SOS2: variants seen among roughly 807,000 people sequenced by gnomAD.
SOS2 encodes the protein son of sevenless homolog 2.
A neutral mutation model predicts 148.2 loss-of-function variants in SOS2; 65 were observed. That is an observed-to-expected ratio of 0.44 (90% confidence interval 0.36 to 0.54). The LOEUF is 0.54. Among genes scored for constraint, SOS2 ranks in the 20% least tolerant of loss-of-function variants. SOS2 has a pLI of 0.00. For missense variants in SOS2, 1,341 were observed against 1,590.2 expected (o/e 0.84, Z 2.67); for synonymous variants, 539 against 537.1 (o/e 1.00, Z -0.05).
chr14:50,181,632 C>T (rs1045882727), intron 6 of SOS2, among the ~76,000 whole-genome samples: 1 of 151,724 alleles, frequency 6.6e-6, no homozygotes, highest in Non-Finnish European at 1.5e-5. Context: ...GAAGTATATA[C>T]ATTAACATGG....
chr14:50,178,666 GTGTGCATATATATA>G (rs1336530098), intron 7 of SOS2, among the ~76,000 whole-genome samples: 2,716 of 70,022 alleles, frequency 0.039, 75 homozygotes, highest in East Asian at 0.13. Flanking sequence ...GTGTGTGTGT[GTGTGCATATATATA>G]TATATATATA....
In SOS2 at chr14:50,145,247, T is replaced by A. The variant is rs781119008; in HGVS notation, c.2590A>T (p.Asn864Tyr). 12 of 1,612,004 alleles carry A rather than the reference T, an allele frequency of 7.4e-6. No individual in the cohort carries two copies. The South Asian group carries it at 1.2e-4, about 16-fold the overall frequency. Reference protein sequence around the residue: ...IEILQVFQDLNNFNGVLEIVS... With the variant: ...IEILQVFQDLYNFNGVLEIVS... ...ATCTCCAATACGCCATTGAAATTAT[T>A]CAAATCTTGAAAAACTTGCAGAATT... is the stretch of plus-strand genomic sequence containing the variant. Residue 864 changes from asparagine (N) to tyrosine (Y), a missense_variant, in exon 16 of 23, where the codon AAT (asparagine) becomes TAT (tyrosine). Asn to Tyr is a moderately radical substitution (Grantham distance 143). This residue lies in a region of SOS2 where 408 missense variants were observed against 506.6 expected (regional missense o/e 0.81). Coordinates refer to ENST00000216373, the MANE Select transcript of SOS2 (RefSeq NM_006939.4).
intron 6 of SOS2, among the ~76,000 whole-genome samples, chr14:50,181,072 G>A (rs1262191370): frequency 1.3e-5 from 2 of 152,182 alleles, no homozygotes; most frequent in Non-Finnish European, 2.9e-5. Context: ...GGAAGTGAAC[G>A]TGGCAAAGTG....
intron 13 of SOS2, among the ~76,000 whole-genome samples, 183 bp downstream of exon 13, chr14:50,152,887 C>T (rs569290988): frequency 6.6e-6 from 1 of 152,014 alleles, no homozygotes; most frequent in Admixed American, 6.6e-5. Flanking sequence ...ATCACTTGAA[C>T]CTGGGAGGCG....
intron 5 of SOS2, among the ~76,000 whole-genome samples, chr14:50,183,369 TAAAG>T (rs1885804913): frequency 6.7e-6 from 1 of 150,346 alleles, no homozygotes; most frequent in African/African-American, 2.4e-5. Flanking sequence ...ACTTTGGAAA[TAAAG>T]AGACTTGCTT....
chr14:50,178,670 G>A (rs61982685), intron 7 of SOS2, among the ~76,000 whole-genome samples: 45 of 67,982 alleles, frequency 6.6e-4, no homozygotes, highest in African/African-American at 1.3e-3. Context: ...GTGTGTGTGT[G>A]CATATATATA....
chr14:50,179,792 A>C (rs1566840224), intron 7 of SOS2, among the ~76,000 whole-genome samples: 1 of 152,002 alleles, frequency 6.6e-6, no homozygotes, highest in Non-Finnish European at 1.5e-5. Flanking sequence ...ACTTATTTTC[A>C]TTTTATCTAA....
At chr14:50,168,328 C>A (rs1400778619) in intron 8 of SOS2, among the ~76,000 whole-genome samples, 4 of 152,086 alleles carry the variant, frequency 2.6e-5, no homozygotes, top group Non-Finnish European at 4.4e-5. Context: ...CTCAAGTGAT[C>A]CTCTCATCTC....
chr14:50,211,113 T>C (rs1472992717), intron 1 of SOS2, among the ~76,000 whole-genome samples: 1 of 152,112 alleles, frequency 6.6e-6, no homozygotes, highest in Non-Finnish European at 1.5e-5. Flanking sequence ...GCTAGCCTCA[T>C]GTGGGTACTG....
intron 4 of SOS2, among the ~76,000 whole-genome samples, chr14:50,196,375 A>G (rs1886311330): frequency 6.6e-6 from 1 of 152,218 alleles, no homozygotes; most frequent in South Asian, 2.1e-4. Flanking sequence ...TCAGAATAAA[A>G]TGGAGTCTCC....
intron 5 of SOS2, among the ~76,000 whole-genome samples, chr14:50,183,595 T>C (rs1878126471): frequency 6.6e-6 from 1 of 152,200 alleles, no homozygotes; most frequent in African/African-American, 2.4e-5. Context: ...TCTAAGCTAC[T>C]TTTTACATAA....
rs1237492455 is a variant in SOS2, at chr14:50,119,077, T to A, written c.3490-224A>T. Among the ~76,000 whole-genome samples, 4 of 152,156 alleles carry A rather than the reference T, an allele frequency of 2.6e-5. No individual in the cohort carries two copies. In the East Asian group the frequency reaches 7.7e-4, roughly 29 times the overall value. On this transcript the variant is annotated intron_variant, in intron 22 of 22. Coordinates refer to ENST00000216373, the MANE Select transcript of SOS2 (RefSeq NM_006939.4). ...TTAAGTCTTAGGTCCTAACTCTTTATCTTGCTTTGTGTATACATTTCAGAA... is the reference window on the plus strand; with the variant it reads ...TTAAGTCTTAGGTCCTAACTCTTTAACTTGCTTTGTGTATACATTTCAGAA...
chr14:50,180,910 T>C (rs375592832), intron 6 of SOS2, among the ~76,000 whole-genome samples: 1 of 151,720 alleles, frequency 6.6e-6, no homozygotes, highest in Admixed American at 6.6e-5. Flanking sequence ...CCCATTAGAC[T>C]GGCAAAAATT....
intron 21 of SOS2, among the ~76,000 whole-genome samples, chr14:50,123,842 T>C (rs1168935937): frequency 6.6e-6 from 1 of 152,164 alleles, no homozygotes; most frequent in African/African-American, 2.4e-5. Flanking sequence ...TGGACCAGGG[T>C]GGCAGCAGTG....
chr14:50,174,698 G>C (rs1441067945), intron 7 of SOS2, 146 bp from the exon 8 acceptor site: 4 of 447,724 alleles, frequency 8.9e-6, no homozygotes. Flanking sequence ...TGAAACTGAA[G>C]TGCTATCAAG....
chr14:50,220,419 A>AAAAAAAAAAAAAAAAAAAAC (rs1887170573), intron 1 of SOS2, among the ~76,000 whole-genome samples: 2 of 148,814 alleles, frequency 1.3e-5, no homozygotes, highest in African/African-American at 2.5e-5. Context: ...AAAAAAAAAA[A>AAAAAAAAAAAAAAAAAAAAC]AAAGAACAGA....
intron 16 of SOS2, among the ~76,000 whole-genome samples, chr14:50,143,922 G>C (rs1467858719): frequency 6.7e-6 from 1 of 150,286 alleles, no homozygotes; most frequent in Non-Finnish European, 1.5e-5. Flanking sequence ...GCCTCCCAAA[G>C]TGTTGGGATT....
At chr14:50,158,689 TCA>T in intron 10 of SOS2, 43 bp from the exon 11 acceptor site, 1 of 1,245,730 alleles carries the variant, frequency 8.0e-7, no homozygotes, top group Non-Finnish European at 1.2e-6. Flanking sequence ...TTTAATGTAT[TCA>T]GTTTAATTAA....
chr14:50,150,152 C>T lies in SOS2; in HGVS notation c.2240G>A (p.Ser747Asn). 6.2e-7 allele frequency: 1 copy of T among 1,613,382 alleles called. No homozygotes were observed. The highest frequency in any genetic ancestry group is 8.5e-7 in the Non-Finnish European group (1 of 1,179,326). The change falls in exon 14 of 23, where the codon AGC (serine) becomes AAC (asparagine). Residue 747 changes from serine to asparagine, a missense_variant. Physicochemically the swap from Ser to Asn is conservative, Grantham distance 46 (BLOSUM62 1). This residue lies in a region of SOS2 where 408 missense variants were observed against 506.6 expected (regional missense o/e 0.81). Transcript: ENST00000216373. ...RKKQAQANGVSHNITFESPPP... is the reference protein window; with the variant it reads ...RKKQAQANGVNHNITFESPPP... Reference sequence around the variant, plus strand: ...TGGACTTTCAAAGGTAATATTATGGCTTACTCCGTTTGCCTGAGCTTGCTT... The same window carrying T: ...TGGACTTTCAAAGGTAATATTATGGTTTACTCCGTTTGCCTGAGCTTGCTT...
Sources: allele counts gnomAD v4.1 joint callset (sites outside exome capture counted in the v4.1 genomes callset), GRCh38; gene constraint gnomAD v4.1.1; regional missense constraint gnomAD v4.1.1; transcripts MANE v1.5; gene names NCBI Gene and HGNC (gene_info 2026-07-23, HGNC 2026-07-21).